Variants in GIGYF2 observed in about 807,000 individuals in gnomAD.
The protein encoded by GIGYF2 is GRB10 interacting GYF protein 2.
In GIGYF2, 25 loss-of-function variants were observed where a neutral mutation model predicts 208.1. The ratio of observed to expected loss-of-function variants is 0.12; its 90% CI spans 0.09 to 0.17. The LOEUF (loss-of-function observed/expected upper bound fraction) is 0.17, where lower values mean the gene tolerates loss of function less well. GIGYF2 is among the 10% of genes least tolerant of loss of function. GIGYF2 has a pLI of 1.00. For synonymous variants in GIGYF2, 534 were observed against 543.8 expected (o/e 0.98, Z 0.25); for missense variants, 1,302 against 1,579.4 (o/e 0.82, Z 2.98).
At chr2:232,729,815 T>C (rs947010612) in intron 2 of GIGYF2, 2 of 746,324 alleles carry the variant, frequency 2.7e-6, no homozygotes, top group African/African-American at 3.4e-5. Context: ...TTGGCTTTCT[T>C]CGATTCATAT....
intron 27 of GIGYF2, 119 bp from the exon 28 acceptor site, chr2:232,850,142 CT>C (rs1690259548): frequency 4.5e-6 from 4 of 884,170 alleles, no homozygotes; most frequent in Middle Eastern, 2.2e-4. Flanking sequence ...TGATGAAAAG[CT>C]TTTTGTTTTT....
In GIGYF2 at chr2:232,767,994, C is replaced by G. The variant is rs373505209; in HGVS notation, c.532+6558C>G. 1.7e-5 allele frequency: 10 copies of G among 587,030 alleles called. 1 individual carries two copies. The highest frequency in any genetic ancestry group is 9.3e-5 in the African/African-American group (5 of 53,606). 36.4% of individuals were successfully genotyped at this position (587,030 alleles called of 1,614,324 possible). A position where few individuals can be genotyped will look rare whatever the true frequency, so the allele number is the denominator to read the frequency against. Reference sequence around the variant, plus strand: ...GAGTTACATTGATTTCAGCAGGTAACAAACTTTGTAATGTAGAGTGTTATG... The same window carrying G: ...GAGTTACATTGATTTCAGCAGGTAAGAAACTTTGTAATGTAGAGTGTTATG... On this transcript the variant is annotated intron_variant, in intron 8 of 28. Coordinates refer to ENST00000373563, the MANE Select transcript of GIGYF2 (RefSeq NM_001103146.3).
chr2:232,729,105 A>G (rs1213294624), intron 2 of GIGYF2, among the ~76,000 whole-genome samples: 2 of 152,078 alleles, frequency 1.3e-5, no homozygotes, highest in Non-Finnish European at 2.9e-5. Context: ...CAGCCTCCCA[A>G]GTAGCTTGGA....
At chr2:232,736,685 C>T (rs1044834746) in intron 3 of GIGYF2, 1 of 152,034 alleles carries the variant, frequency 6.6e-6, no homozygotes, top group Non-Finnish European at 1.5e-5. Flanking sequence ...TACCTTAATT[C>T]CTTTTATCAG....
intron 3 of GIGYF2, chr2:232,735,734 C>T (rs532378300): frequency 1.7e-5 from 17 of 985,690 alleles, no homozygotes; most frequent in South Asian, 1.4e-4. Flanking sequence ...GACATAATAA[C>T]GATTAATTGA....
rs573169813 is a variant in GIGYF2 at position 232,748,987 on chromosome 2, A to G, written c.172A>G (p.Ile58Val). Residue 58 changes from isoleucine (I) to valine (V), a missense_variant and splice_region_variant, in exon 5 of 29, where the codon ATA becomes GTA. Coordinates refer to ENST00000373563, the MANE Select transcript of GIGYF2 (RefSeq NM_001103146.3). ...CATAATCATGTGTTTGGTCCTACAG[A>G]TACCTTCAGACCTTCTGGATAAAGA... ...MLALFLKDNK[I>V]PSDLLDKEFL... The G allele has an allele frequency of 3.2e-5, 48 of 1,492,530 alleles. No homozygotes were observed. In the South Asian group the frequency reaches 5.4e-4, roughly 17 times the overall value. 92.5% of individuals were successfully genotyped at this position (1,492,530 alleles called of 1,614,324 possible).
chr2:232,733,150 G>A (rs528810517), intron 2 of GIGYF2, among the ~76,000 whole-genome samples: 2 of 152,030 alleles, frequency 1.3e-5, no homozygotes, highest in East Asian at 1.9e-4. Flanking sequence ...CCAGCTACTC[G>A]GGAGGCTGAG....
chr2:232,811,165 G>C, intron 16 of GIGYF2, 79 bp from the exon 17 acceptor site: 1 of 777,730 alleles, frequency 1.3e-6, no homozygotes, highest in Non-Finnish European at 2.3e-6. Flanking sequence ...GCTTTGAATT[G>C]AACTTTGTCT....
At chr2:232,776,509 T>G (rs535184499) in intron 8 of GIGYF2, 4 of 1,256,080 alleles carry the variant, frequency 3.2e-6, no homozygotes, top group Admixed American at 1.8e-5. Flanking sequence ...AGAGTCTGCC[T>G]TTTTGATCAG....
rs201058578 is a variant in GIGYF2 at position 232,843,629 on chromosome 2, T to A, written c.2890-417T>A. Among the ~76,000 whole-genome samples the A allele has an allele frequency of 6.0e-5, 9 of 150,506 alleles. No homozygotes were observed. The East Asian group carries it at 1.6e-3, about 26-fold the overall frequency. The stretch of plus-strand genomic sequence containing the variant: ...TGGCTCATGCCTGTAATCCCAGCAC[T>A]TTGGGAAGCCGAGGTGGGCAGATCG... On this transcript the variant is annotated intron_variant, in intron 23 of 28. Transcript: ENST00000373563.
intron 20 of GIGYF2, 135 bp downstream of exon 20, chr2:232,817,167 G>A: frequency 2.6e-6 from 2 of 763,168 alleles, no homozygotes; most frequent in South Asian, 1.5e-5. Flanking sequence ...ACTCACCTTT[G>A]GAAAGAATCT....
intron 8 of GIGYF2, among the ~76,000 whole-genome samples, chr2:232,762,238 G>GTTTTTTTTTTTT (rs11301320): frequency 2.3e-5 from 3 of 129,140 alleles, no homozygotes; most frequent in Non-Finnish European, 1.7e-5. Context: ...TTTTTTTTTT[G>GTTTTTTTTTTTT]TTTTTTTTTT....
chr2:232,843,954 C>A, intron 23 of GIGYF2, 92 bp from the exon 24 acceptor site: 1 of 1,103,346 alleles, frequency 9.1e-7, no homozygotes, highest in East Asian at 2.4e-5. Context: ...TATGTAGCTA[C>A]TGTGTATTTA....
chr2:232,714,230 C>T (rs976209120), intron 2 of GIGYF2, among the ~76,000 whole-genome samples: 5 of 152,108 alleles, frequency 3.3e-5, no homozygotes, highest in South Asian at 4.2e-4. Flanking sequence ...GGATTACAGG[C>T]GTGAGCCACC....
Position 232,806,690 on chromosome 2 carries a change from T to C in GIGYF2, c.1806+33T>C, listed in dbSNP as rs1388184892. 6.9e-7 allele frequency: 1 copy of C among 1,445,108 alleles called. No homozygotes were observed. The highest frequency in any genetic ancestry group is 9.7e-7 in the Non-Finnish European group (1 of 1,026,226). 89.5% of individuals were successfully genotyped at this position (1,445,108 alleles called of 1,614,324 possible). Reference sequence around the variant, plus strand: ...CCTTTCACCTCACCTGGAATACATATTAGTCACGGAAACACTTGATTCTCT... The same window carrying C: ...CCTTTCACCTCACCTGGAATACATACTAGTCACGGAAACACTTGATTCTCT... On this transcript the variant is annotated intron_variant, in intron 15 of 28. Transcript: ENST00000373563. This position sits in a 1 kb window ranked among gnomAD's most constrained non-coding sequence, Gnocchi z 4.0.
chr2:232,837,995 G>A (rs571378893), intron 22 of GIGYF2, among the ~76,000 whole-genome samples: 7 of 152,282 alleles, frequency 4.6e-5, no homozygotes, highest in Non-Finnish European at 8.8e-5. Context: ...TCAAAAGTTT[G>A]TTCTGAGAAG....
intron 2 of GIGYF2, among the ~76,000 whole-genome samples, chr2:232,716,801 A>G (rs1461256505): frequency 2.0e-5 from 3 of 151,654 alleles, no homozygotes; most frequent in Non-Finnish European, 4.4e-5. Context: ...GCTTTGTTTC[A>G]TGCTCACTGA....
intron 2 of GIGYF2, among the ~76,000 whole-genome samples, chr2:232,720,386 T>C (rs1054525071): frequency 1.3e-5 from 2 of 152,210 alleles, no homozygotes; most frequent in Non-Finnish European, 2.9e-5. Flanking sequence ...TTGTGAATAG[T>C]GCTACAATAA....
chr2:232,808,345 C>T (rs1478644608), intron 15 of GIGYF2, among the ~76,000 whole-genome samples: 1 of 152,240 alleles, frequency 6.6e-6, no homozygotes, highest in Non-Finnish European at 1.5e-5. Flanking sequence ...TGGATCTTGG[C>T]ATACTTGGAG....
Sources: allele counts gnomAD v4.1 joint callset (sites outside exome capture counted in the v4.1 genomes callset), GRCh38; gene constraint gnomAD v4.1.1; non-coding constraint Gnocchi (gnomAD v3.1); transcripts MANE v1.5; gene names NCBI Gene and HGNC (gene_info 2026-07-23, HGNC 2026-07-21).